WAC: variants seen among roughly 807,000 people sequenced by gnomAD.
WAC encodes the protein WW domain-containing adapter protein with coiled-coil.
A neutral mutation model predicts 79.6 loss-of-function variants in WAC; 11 were observed. The ratio of observed to expected loss-of-function variants is 0.14; its 90% confidence interval spans 0.09 to 0.23. The LOEUF (loss-of-function observed/expected upper bound fraction) is 0.23. Ranked by LOEUF, WAC falls within the 10% of genes least tolerant of loss-of-function variation. The pLI, the probability that WAC is intolerant of heterozygous loss-of-function variation, is 1.00. For missense variants in WAC, 728 were observed against 773.5 expected, an observed-to-expected ratio of 0.94 and a Z score of 0.70; for synonymous variants, 304 against 276.9, an observed-to-expected ratio of 1.10 and a Z score of -0.97.
At chr10:28,559,748 C>T (rs888024195) in intron 3 of WAC, among the ~76,000 whole-genome samples, 2 of 152,130 alleles carry the variant, frequency 1.3e-5, no homozygotes, top group African/African-American at 4.8e-5. Flanking sequence ...TGGTGTCAGT[C>T]TAGAACCCAC....
At chr10:28,596,081 TTTCTAAGTTTC>T (rs371573184) in intron 7 of WAC, 40 bp downstream of exon 7, 161 of 1,548,672 alleles carry the variant, frequency 1.0e-4, no homozygotes, top group African/African-American at 3.7e-4. Flanking sequence ...TGAACTATAG[TTTCTAAGTTTC>T]TTCTAAGTTT....
At chr10:28,583,707 G>C (rs181954929) in intron 4 of WAC, among the ~76,000 whole-genome samples, 55 of 152,238 alleles carry the variant, frequency 3.6e-4, no homozygotes, top group Admixed American at 2.4e-3. Context: ...GAACTGAAGA[G>C]TTGTCAGAAG....
At chr10:28,557,586 T>G (rs1838064592) in intron 3 of WAC, among the ~76,000 whole-genome samples, 1 of 151,984 alleles carries the variant, frequency 6.6e-6, no homozygotes, top group African/African-American at 2.4e-5. Flanking sequence ...CTCAGCTGTT[T>G]GAGAGGCTGA....
intron 7 of WAC, among the ~76,000 whole-genome samples, chr10:28,601,899 C>T (rs1452085698): frequency 6.6e-6 from 1 of 151,932 alleles, no homozygotes; most frequent in Non-Finnish European, 1.5e-5. Context: ...TGGTGGTGTC[C>T]GGGGTGGGAG....
chr10:28,539,996 C>CT (rs1207169100), intron 3 of WAC, among the ~76,000 whole-genome samples: 1 of 152,022 alleles, frequency 6.6e-6, no homozygotes, highest in African/African-American at 2.4e-5. Context: ...GTGATAATGT[C>CT]TTTTTTTAAT....
chr10:28,620,731 ATGAT>A lies in WAC; in HGVS notation c.*1127_*1130del, dbSNP rs538678207. 21 of 152,370 alleles carry A rather than the reference ATGAT, an allele frequency of 1.4e-4. No homozygotes were observed. The East Asian group carries it at 3.9e-3, about 28-fold the overall frequency. 9.4% of individuals were successfully genotyped at this position (152,370 alleles called of 1,614,324 possible). ...TAATGAAATAAGAAATTCAACAAGA[ATGAT>A]TAAGTCACTTCCCAAGTGGTTGTCA... On this transcript the variant is annotated 3_prime_UTR_variant, in exon 14 of 14. Coordinates refer to ENST00000354911, the MANE Select transcript of WAC (RefSeq NM_016628.5).
chr10:28,535,095 G>T (rs1319197129), intron 2 of WAC, among the ~76,000 whole-genome samples: 1 of 148,538 alleles, frequency 6.7e-6, no homozygotes, highest in Non-Finnish European at 1.5e-5. Context: ...TTGAATCAAA[G>T]AATTGGAGAA....
chr10:28,561,459 C>A (rs866787599), intron 3 of WAC, among the ~76,000 whole-genome samples: 9 of 151,464 alleles, frequency 5.9e-5, no homozygotes, highest in Middle Eastern at 3.2e-3. Flanking sequence ...TTTCCTTTGA[C>A]AAGAATTTAA....
At chr10:28,616,437 A>AT in intron 12 of WAC, 75 bp downstream of exon 12, 1 of 1,191,308 alleles carries the variant, frequency 8.4e-7, no homozygotes, top group Non-Finnish European at 1.1e-6. Context: ...TAGAGAATCT[A>AT]ATGTGACCAC....
chr10:28,596,745 G>A (rs907950078), intron 7 of WAC, among the ~76,000 whole-genome samples: 33 of 152,220 alleles, frequency 2.2e-4, no homozygotes, highest in South Asian at 1.7e-3. Context: ...AAATTAAAAT[G>A]TAGTAAATAA....
intron 12 of WAC, among the ~76,000 whole-genome samples, chr10:28,617,197 C>T (rs554390580): frequency 1.3e-5 from 2 of 152,334 alleles, no homozygotes; most frequent in South Asian, 4.1e-4. Flanking sequence ...ATTCCAGTTA[C>T]TGCCATTTGC....
chr10:28,567,663 C>T (rs1366752149), intron 3 of WAC, among the ~76,000 whole-genome samples: 1 of 152,210 alleles, frequency 6.6e-6, no homozygotes, highest in Non-Finnish European at 1.5e-5. Context: ...TCTCCCACCT[C>T]TTCTGCCTGC....
intron 11 of WAC, chr10:28,615,186 T>C (rs1187509622): frequency 6.6e-6 from 1 of 152,280 alleles, no homozygotes; most frequent in Admixed American, 6.5e-5. Flanking sequence ...TTAGCACTTT[T>C]CTTTGTTCAT....
chr10:28,563,958 T>G (rs144289829), intron 3 of WAC, among the ~76,000 whole-genome samples: 2 of 152,042 alleles, frequency 1.3e-5, no homozygotes, highest in Admixed American at 1.3e-4. Flanking sequence ...GAGGCTTGTT[T>G]TCTGAAACAC....
chr10:28,572,680 G>C (rs1312429309), intron 3 of WAC, among the ~76,000 whole-genome samples: 1 of 151,462 alleles, frequency 6.6e-6, no homozygotes, highest in Non-Finnish European at 1.5e-5. Flanking sequence ...GCGTGGTAGT[G>C]GGCACCTGTA....
chr10:28,537,612 C>T (rs1465227290), intron 3 of WAC: 1 of 152,124 alleles, frequency 6.6e-6, no homozygotes, highest in Non-Finnish European at 1.5e-5. Context: ...CATTCTGTTG[C>T]TTATTCATTC....
At chr10:28,581,238 CTTTTTTTTTTTTTTTTTTTTTT>C (rs71391053) in intron 3 of WAC, among the ~76,000 whole-genome samples, 2 of 66,088 alleles carry the variant, frequency 3.0e-5, no homozygotes, top group African/African-American at 1.1e-4. Context: ...ATGAGCGATT[CTTTTTTTTTTTTTTTTTTTTTT>C]TTTTTTTTTT....
chr10:28,615,884 ATTATT>A (rs1335134735), intron 11 of WAC: 2 of 265,530 alleles, frequency 7.5e-6, no homozygotes, highest in Non-Finnish European at 1.4e-5. Flanking sequence ...TTTTAGTTAT[ATTATT>A]AGTGTTTGTG....
intron 3 of WAC, among the ~76,000 whole-genome samples, chr10:28,540,877 GT>G (rs767955507): frequency 9.4e-5 from 14 of 148,468 alleles, no homozygotes; most frequent in South Asian, 8.5e-4. Flanking sequence ...ACTCTTCATT[GT>G]TTTTTTTTTA....
Sources: gnomAD v4.1 joint callset for allele counts (sites outside exome capture counted in the v4.1 genomes callset) on GRCh38, gnomAD v4.1.1 for gene constraint, MANE v1.5 for transcripts, NCBI Gene and HGNC (gene_info 2026-07-23, HGNC 2026-07-21) for gene names.